The following PDE11A variants were observed in gnomAD, a reference collection of about 807,000 sequenced individuals.
PDE11A encodes the protein phosphodiesterase 11A, also known as dual 3',5'-cyclic-AMP and -GMP phosphodiesterase 11A.
A neutral mutation model predicts 100.5 loss-of-function variants in PDE11A; 100 were observed. That is an observed-to-expected ratio of 1.00 (90% CI 0.85 to 1.18). The LOEUF is 1.18. PDE11A is among the 50% of genes most tolerant of loss of function. The pLI, the probability that PDE11A is intolerant of heterozygous loss-of-function variation, is 0.00. For missense variants in PDE11A, 1,141 were observed against 1,152.6 expected, an observed-to-expected ratio of 0.99 and a Z score of 0.15; for synonymous variants, 381 against 420.8, an observed-to-expected ratio of 0.91 and a Z score of 1.16.
At chr2:178,032,004 A>G (rs1414157052) in intron 1 of PDE11A, among the ~76,000 whole-genome samples, 1 of 152,186 alleles carries the variant, frequency 6.6e-6, no homozygotes, top group Non-Finnish European at 1.5e-5. Context: ...AGAATAATAG[A>G]GAGCCTAGTA....
chr2:177,776,514 C>T (rs997442549), intron 9 of PDE11A, among the ~76,000 whole-genome samples: 1 of 152,160 alleles, frequency 6.6e-6, no homozygotes, highest in Non-Finnish European at 1.5e-5. Context: ...AGCAATGCTA[C>T]TATTATGAGG....
intron 5 of PDE11A, among the ~76,000 whole-genome samples, chr2:177,854,248 G>A (rs1041819894): frequency 6.6e-6 from 1 of 151,970 alleles, no homozygotes; most frequent in Admixed American, 6.6e-5. Context: ...TTTTACTAGA[G>A]TGACAAGCTC....
intron 2 of PDE11A, among the ~76,000 whole-genome samples, chr2:177,964,798 T>A (rs939049289): frequency 6.6e-6 from 1 of 152,206 alleles, no homozygotes; most frequent in Non-Finnish European, 1.5e-5. Context: ...TGATTCTGTA[T>A]CTTTGTTGTT....
chr2:177,917,510 T>C (rs2084971185), intron 2 of PDE11A, among the ~76,000 whole-genome samples: 3 of 152,240 alleles, frequency 2.0e-5, no homozygotes, highest in Admixed American at 2.0e-4. Flanking sequence ...TCCATTGTCT[T>C]AACTTTTTAA....
chr2:177,728,992 G>T (rs1299778318), intron 10 of PDE11A, among the ~76,000 whole-genome samples: 1 of 152,244 alleles, frequency 6.6e-6, no homozygotes, highest in East Asian at 1.9e-4. Context: ...CTCTTGGTAA[G>T]GGAGTCACTT....
At chr2:178,061,550 T>A (rs1483430943) in intron 1 of PDE11A, among the ~76,000 whole-genome samples, 1 of 152,158 alleles carries the variant, frequency 6.6e-6, no homozygotes, top group Non-Finnish European at 1.5e-5. Flanking sequence ...CTATGCCAGA[T>A]CCCGTGGTAG....
rs1215986522 is a variant in PDE11A, at chr2:177,992,129, G to A, written c.1071+22173C>T. On this transcript the variant is annotated intron_variant, in intron 2 of 19. Transcript: ENST00000286063. ...TCACATAATCTTAATAAAGACAGTA[G>A]AGATAAAAATAGCACCAAAAAATCT... 2.6e-5 allele frequency among the ~76,000 whole-genome samples: 4 copies of A among 150,982 alleles called. No individual in the cohort carries two copies. The South Asian group carries it at 8.5e-4, about 32-fold the overall frequency.
At chr2:177,854,905 G>A (rs76050233) in intron 5 of PDE11A, among the ~76,000 whole-genome samples, 2 of 152,194 alleles carry the variant, frequency 1.3e-5, no homozygotes, top group East Asian at 3.9e-4. Context: ...GCAAAATGAG[G>A]TTCAGCAACC....
intron 1 of PDE11A, among the ~76,000 whole-genome samples, chr2:178,059,788 C>A (rs1437156504): frequency 6.6e-6 from 1 of 152,176 alleles, no homozygotes; most frequent in Middle Eastern, 3.2e-3. Flanking sequence ...TTGTTATGGG[C>A]AGTTAATCAT....
At chr2:178,018,397 G>A (rs560133741) in intron 1 of PDE11A, 36 of 214,596 alleles carry the variant, frequency 1.7e-4, no homozygotes, top group African/African-American at 7.5e-4. Flanking sequence ...AACCTTTGCC[G>A]GGCTTTGTGA....
chr2:177,751,822 G>T (rs903132444), intron 10 of PDE11A, among the ~76,000 whole-genome samples: 8 of 152,112 alleles, frequency 5.3e-5, no homozygotes, highest in African/African-American at 1.7e-4. Flanking sequence ...TATTTATTGA[G>T]CATCTACAAT....
intron 15 of PDE11A, among the ~76,000 whole-genome samples, chr2:177,684,383 A>T (rs951891323): frequency 3.3e-5 from 5 of 152,232 alleles, no homozygotes; most frequent in African/African-American, 1.2e-4. Context: ...TATCAAGATA[A>T]ATATTTTAAT....
chr2:177,982,464 A>C (rs1559031674), intron 2 of PDE11A, among the ~76,000 whole-genome samples: 1 of 150,756 alleles, frequency 6.6e-6, no homozygotes, highest in Non-Finnish European at 1.5e-5. Flanking sequence ...AAAGGAAATA[A>C]AAATAGGACT....
intron 1 of PDE11A, among the ~76,000 whole-genome samples, chr2:178,106,420 A>G (rs2087618518): frequency 6.6e-6 from 1 of 152,218 alleles, no homozygotes; most frequent in Non-Finnish European, 1.5e-5. Context: ...AGAGAAGCTT[A>G]CTTTAAAACT....
At chr2:178,086,764 A>G (rs113870883) in intron 2 of PDE11A, among the ~76,000 whole-genome samples, 121 of 152,288 alleles carry the variant, frequency 7.9e-4, no homozygotes, top group African/African-American at 2.6e-3. Flanking sequence ...AAGTGTATGA[A>G]TCTGGCCAGA....
intron 6 of PDE11A, among the ~76,000 whole-genome samples, chr2:177,825,149 G>C (rs996840802): frequency 1.3e-5 from 2 of 152,186 alleles, no homozygotes; most frequent in African/African-American, 4.8e-5. Context: ...AAATGGTCAA[G>C]GGAAGAAAGG....
At chr2:177,719,297 C>A (rs761977490) in intron 12 of PDE11A, among the ~76,000 whole-genome samples, 12 of 152,214 alleles carry the variant, frequency 7.9e-5, no homozygotes, top group African/African-American at 2.4e-4. Flanking sequence ...TAGCAGATGG[C>A]AAACTAAGAC....
chr2:177,710,698 T>C (rs374178369), intron 13 of PDE11A, among the ~76,000 whole-genome samples: 1 of 152,226 alleles, frequency 6.6e-6, no homozygotes, highest in South Asian at 2.1e-4. Context: ...GGCTATAGGA[T>C]ACAGATTGGA....
chr2:177,815,189 G>A (rs1162055948), intron 9 of PDE11A, among the ~76,000 whole-genome samples: 5 of 152,092 alleles, frequency 3.3e-5, no homozygotes, highest in Non-Finnish European at 7.4e-5. Context: ...CTAAATTCCT[G>A]TCCTTTGCTA....
Sources: gnomAD v4.1 joint callset for allele counts (sites outside exome capture counted in the v4.1 genomes callset) on GRCh38, gnomAD v4.1.1 for gene constraint, MANE v1.5 for transcripts, NCBI Gene and HGNC (gene_info 2026-07-23, HGNC 2026-07-21) for gene names.